Variants in GTF2F2 observed in about 807,000 individuals in gnomAD.
The protein encoded by GTF2F2 is ATP-dependent helicase GTF2F2.
A neutral mutation model predicts 42.2 loss-of-function variants in GTF2F2; 23 were observed. That is an observed-to-expected ratio of 0.55 (90% CI 0.39 to 0.77). The LOEUF is 0.77. GTF2F2 is among the 30% of genes least tolerant of loss of function. The pLI, the probability that GTF2F2 is intolerant of heterozygous loss-of-function variation, is 0.00. For missense variants in GTF2F2, 261 were observed against 287.2 expected (o/e 0.91, Z 0.66); for synonymous variants, 105 against 100.8 (o/e 1.04, Z -0.25).
At chr13:45,264,748 G>GTCCCA in intron 6 of GTF2F2, among the ~76,000 whole-genome samples, 1 of 152,058 alleles carries the variant, frequency 6.6e-6, no homozygotes. Context: ...ATGTGACTCT[G>GTCCCA]GGTTGGGACA....
intron 6 of GTF2F2, among the ~76,000 whole-genome samples, chr13:45,262,410 G>A (rs1362974908): frequency 6.6e-6 from 1 of 152,150 alleles, no homozygotes; most frequent in Non-Finnish European, 1.5e-5. Flanking sequence ...TAATATTTTT[G>A]TAGTACAGTA....
intron 5 of GTF2F2, among the ~76,000 whole-genome samples, chr13:45,235,836 C>G (rs1307506274): frequency 6.6e-6 from 1 of 151,962 alleles, no homozygotes; most frequent in Non-Finnish European, 1.5e-5. Flanking sequence ...AACTCCTGAC[C>G]TCAGGTGATC....
At chr13:45,251,114 C>T (rs1361534753) in intron 5 of GTF2F2, among the ~76,000 whole-genome samples, 1 of 151,994 alleles carries the variant, frequency 6.6e-6, no homozygotes, top group Non-Finnish European at 1.5e-5. Context: ...AAAACAAAAC[C>T]TATGGCATTT....
At chr13:45,201,472 C>T (rs1873176280) in intron 4 of GTF2F2, among the ~76,000 whole-genome samples, 2 of 152,248 alleles carry the variant, frequency 1.3e-5, no homozygotes, top group South Asian at 4.1e-4. Flanking sequence ...AGATCTCAGA[C>T]ATTCTAGTAA....
At chr13:45,166,793 A>G (rs186078565) in intron 4 of GTF2F2, among the ~76,000 whole-genome samples, 1 of 152,362 alleles carries the variant, frequency 6.6e-6, no homozygotes, top group Non-Finnish European at 1.5e-5. Context: ...CAGTAGGGAC[A>G]TTATATACAA....
intron 1 of GTF2F2, among the ~76,000 whole-genome samples, chr13:45,130,822 T>A (rs940318851): frequency 2.0e-5 from 3 of 152,110 alleles, no homozygotes; most frequent in Non-Finnish European, 2.9e-5. Context: ...TACTGAATAT[T>A]AAGATGGAGA....
At chr13:45,128,893 C>T (rs1207577175) in intron 1 of GTF2F2, among the ~76,000 whole-genome samples, 1 of 152,052 alleles carries the variant, frequency 6.6e-6, no homozygotes, top group Admixed American at 6.6e-5. Context: ...ATGCCCGACA[C>T]AATGTTTTTA....
chr13:45,252,271 T>C (rs911436722), intron 5 of GTF2F2, among the ~76,000 whole-genome samples: 4 of 151,916 alleles, frequency 2.6e-5, no homozygotes, highest in Non-Finnish European at 5.9e-5. Flanking sequence ...GCCTCCTGAG[T>C]AACTAGGACT....
chr13:45,235,620 C>A (rs1013472714), intron 5 of GTF2F2, among the ~76,000 whole-genome samples: 1 of 151,622 alleles, frequency 6.6e-6, no homozygotes, highest in African/African-American at 2.4e-5. Context: ...GATAGAGTCC[C>A]GCTGTGTTGC....
chr13:45,129,399 G>A (rs192056963), intron 1 of GTF2F2, among the ~76,000 whole-genome samples: 146 of 152,020 alleles, frequency 9.6e-4, no homozygotes, highest in African/African-American at 3.4e-3. Context: ...TTGTAGAGTT[G>A]GGGTTTTGCA....
chr13:45,221,313 T>C (rs1307511776), intron 5 of GTF2F2, among the ~76,000 whole-genome samples: 1 of 152,188 alleles, frequency 6.6e-6, no homozygotes, highest in Non-Finnish European at 1.5e-5. Flanking sequence ...CCCTGAATCC[T>C]ACTACACTAT....
intron 6 of GTF2F2, among the ~76,000 whole-genome samples, chr13:45,259,175 C>A (rs1211988599): frequency 1.3e-5 from 2 of 152,032 alleles, no homozygotes; most frequent in Non-Finnish European, 1.5e-5. Context: ...ACCTGTAATC[C>A]CAGCACTTTG....
intron 6 of GTF2F2, among the ~76,000 whole-genome samples, chr13:45,266,673 G>C (rs1252260825): frequency 6.6e-6 from 1 of 152,148 alleles, no homozygotes; most frequent in Non-Finnish European, 1.5e-5. Flanking sequence ...TTTTTGGGGG[G>C]AAATGTACAC....
rs375319945 is a variant in GTF2F2, at chr13:45,202,657, A to G, written c.305-4767A>G. 9.9e-5 allele frequency among the ~76,000 whole-genome samples: 15 copies of G among 152,132 alleles called. No homozygotes were observed. The South Asian group carries it at 3.1e-3, about 32-fold the overall frequency. On this transcript the variant is annotated intron_variant, in intron 4 of 7. Transcript: ENST00000340473. ...AAACATTTTATCTTAAAACTTATAA[A>G]TGTACGTTTAGTTGGCTGGGCACGG...
At chr13:45,168,820 CTTCCTTCCCTCCCTCT>C (rs1217192640) in intron 4 of GTF2F2, among the ~76,000 whole-genome samples, 21 of 147,556 alleles carry the variant, frequency 1.4e-4, no homozygotes, top group South Asian at 4.3e-4. Flanking sequence ...TCCTTCCTTC[CTTCCTTCCCTCCCTCT>C]TTCCTTCCCT....
At position 45,194,569 on chromosome 13, in the gene GTF2F2, T is replaced by C. The variant is rs1378095853; in HGVS notation, c.305-12855T>C. ...TCTTCTGTTTATTTTACGCTCCATT[T>C]TTTGAAGATGCTATTTCAGCTTGTT... On this transcript the variant is annotated intron_variant, in intron 4 of 7. Coordinates refer to ENST00000340473, the MANE Select transcript of GTF2F2 (RefSeq NM_004128.3). 4 of 1,606,274 alleles carry C rather than the reference T, an allele frequency of 2.5e-6. No individual in the cohort carries two copies. The South Asian group carries it at 3.3e-5, about 13-fold the overall frequency.
At chr13:45,278,911 C>T (rs1341253677) in intron 7 of GTF2F2, among the ~76,000 whole-genome samples, 2 of 148,188 alleles carry the variant, frequency 1.3e-5, no homozygotes, top group Admixed American at 1.4e-4. Flanking sequence ...ACAACCTCCA[C>T]CTCCTGGGTT....
At chr13:45,244,436 T>TGTTTTATTTTTGTTACAGTTGTC in intron 5 of GTF2F2, among the ~76,000 whole-genome samples, 1 of 152,320 alleles carries the variant, frequency 6.6e-6, no homozygotes. Flanking sequence ...GTTCTTTAAA[T>TGTTTTATTTTTGTTACAGTTGTC]GTTTTATTTT....
At chr13:45,139,067 T>C (rs1869781693) in intron 2 of GTF2F2, among the ~76,000 whole-genome samples, 1 of 152,202 alleles carries the variant, frequency 6.6e-6, no homozygotes, top group Non-Finnish European at 1.5e-5. Context: ...AGCAAATTTT[T>C]AGTTAGCTGT....
Sources: gnomAD v4.1 joint callset for allele counts (sites outside exome capture counted in the v4.1 genomes callset) on GRCh38, gnomAD v4.1.1 for gene constraint, MANE v1.5 for transcripts, NCBI Gene and HGNC (gene_info 2026-07-23, HGNC 2026-07-21) for gene names.